The following GRIK1 variants were observed in gnomAD, a reference collection of about 807,000 sequenced individuals.
GRIK1 encodes glutamate ionotropic receptor kainate type subunit 1.
GRIK1 carries 69 observed loss-of-function variants against 105.7 expected under a neutral mutation model. The observed-to-expected ratio is 0.65, with a 90% CI of 0.54 to 0.80. The LOEUF (loss-of-function observed/expected upper bound fraction) is 0.80, where lower values mean the gene tolerates loss of function less well. GRIK1 is among the 30% of genes least tolerant of loss of function. The pLI, the probability that GRIK1 is intolerant of heterozygous loss-of-function variation, is 0.00. For synonymous variants in GRIK1, 438 were observed against 431.3 expected, an observed-to-expected ratio of 1.02 and a Z score of -0.19; for missense variants, 1,109 against 1,167.3, an observed-to-expected ratio of 0.95 and a Z score of 0.73.
chr21:29,905,270 T>G (rs995708757), intron 1 of GRIK1, among the ~76,000 whole-genome samples: 3 of 152,134 alleles, frequency 2.0e-5, no homozygotes, highest in African/African-American at 7.2e-5. Context: ...CACTCCCCTT[T>G]GTGTATTAAA....
intron 1 of GRIK1, among the ~76,000 whole-genome samples, chr21:29,787,408 C>T (rs1446522203): frequency 6.6e-6 from 1 of 152,158 alleles, no homozygotes; most frequent in Non-Finnish European, 1.5e-5. Flanking sequence ...AGGATCCAGG[C>T]ACCACCCAAA....
At chr21:29,926,864 TTTTA>T (rs1451036401) in intron 1 of GRIK1, among the ~76,000 whole-genome samples, 3 of 152,212 alleles carry the variant, frequency 2.0e-5, no homozygotes, top group Admixed American at 2.0e-4. Context: ...CCCTAAGGAA[TTTTA>T]TTTGTGATAT....
chr21:29,917,903 C>A (rs60698712), intron 1 of GRIK1, among the ~76,000 whole-genome samples: 1 of 151,964 alleles, frequency 6.6e-6, no homozygotes. Context: ...GACCTAATTT[C>A]TGTTAAAAAA....
At chr21:29,694,964 T>A (rs2063666389) in intron 1 of GRIK1, among the ~76,000 whole-genome samples, 1 of 152,168 alleles carries the variant, frequency 6.6e-6, no homozygotes, top group African/African-American at 2.4e-5. Context: ...TTTTTTTTCT[T>A]TCTTTTCTTT....
intron 1 of GRIK1, among the ~76,000 whole-genome samples, chr21:29,717,583 G>A (rs1000938716): frequency 6.6e-6 from 1 of 152,218 alleles, no homozygotes; most frequent in South Asian, 2.1e-4. Flanking sequence ...GGGGCCTGTG[G>A]CCCCTTTGTT....
At chr21:29,881,221 C>A (rs567567240) in intron 1 of GRIK1, among the ~76,000 whole-genome samples, 1 of 152,190 alleles carries the variant, frequency 6.6e-6, no homozygotes, top group African/African-American at 2.4e-5. Flanking sequence ...TGCCTTATTT[C>A]TCCTGTAATT....
chr21:29,887,064 T>A (rs2069657346), intron 1 of GRIK1, among the ~76,000 whole-genome samples: 1 of 152,168 alleles, frequency 6.6e-6, no homozygotes, highest in Admixed American at 6.5e-5. Context: ...TTATACTAAT[T>A]GTATGGTGGT....
chr21:29,873,927 C>A (rs186517577), intron 1 of GRIK1, among the ~76,000 whole-genome samples: 1 of 152,290 alleles, frequency 6.6e-6, no homozygotes, highest in African/African-American at 2.4e-5. Flanking sequence ...CTCAGACCAT[C>A]AGGCATTATT....
chr21:29,842,278 T>G (rs1341499865), intron 1 of GRIK1, among the ~76,000 whole-genome samples: 2 of 152,158 alleles, frequency 1.3e-5, no homozygotes, highest in African/African-American at 4.8e-5. Flanking sequence ...TCTCCCCGTT[T>G]CTGTTTATTT....
At chr21:29,594,821 G>T (rs574764844) in intron 9 of GRIK1, among the ~76,000 whole-genome samples, 1 of 152,082 alleles carries the variant, frequency 6.6e-6, no homozygotes, top group Non-Finnish European at 1.5e-5. Context: ...CCTGTATTAC[G>T]AACCTTATAT....
intron 1 of GRIK1, among the ~76,000 whole-genome samples, chr21:29,819,739 CTA>C (rs1052222425): frequency 2.6e-5 from 4 of 151,954 alleles, no homozygotes; most frequent in Non-Finnish European, 4.4e-5. Context: ...GCAGTCAAGA[CTA>C]TTTGAAATAA....
intron 1 of GRIK1, among the ~76,000 whole-genome samples, chr21:29,744,197 A>T (rs79732830): frequency 0.06 from 9,083 of 152,270 alleles, 316 homozygotes; most frequent in African/African-American, 0.069. Context: ...TGGTCCAGGG[A>T]CCTACTGGTT....
intron 1 of GRIK1, among the ~76,000 whole-genome samples, chr21:29,865,931 T>A (rs1234542519): frequency 6.6e-6 from 1 of 152,214 alleles, no homozygotes; most frequent in Non-Finnish European, 1.5e-5. Context: ...TTGGTAGGCT[T>A]GTTAGATAAA....
intron 1 of GRIK1, among the ~76,000 whole-genome samples, chr21:29,848,510 G>A (rs1008133684): frequency 6.6e-6 from 1 of 151,940 alleles, no homozygotes; most frequent in African/African-American, 2.4e-5. Context: ...GTCTAAGCTC[G>A]TAACATTGTT....
intron 7 of GRIK1, among the ~76,000 whole-genome samples, chr21:29,616,808 A>G (rs557991537): frequency 4.5e-4 from 68 of 152,390 alleles, no homozygotes; most frequent in African/African-American, 1.6e-3. Flanking sequence ...GCCATACTTC[A>G]AAGATGTCGC....
At chr21:29,844,735 G>A (rs954351350) in intron 1 of GRIK1, among the ~76,000 whole-genome samples, 10 of 152,042 alleles carry the variant, frequency 6.6e-5, no homozygotes, top group African/African-American at 2.2e-4. Context: ...CTGTTTTGGC[G>A]AGTTATAGTA....
intron 1 of GRIK1, among the ~76,000 whole-genome samples, chr21:29,772,946 A>C (rs1239072265): frequency 6.6e-6 from 1 of 152,154 alleles, no homozygotes; most frequent in Non-Finnish European, 1.5e-5. Flanking sequence ...TAATGATTGG[A>C]AAATTTTTTA....
At chr21:29,644,760 T>A (rs548371573) in intron 6 of GRIK1, among the ~76,000 whole-genome samples, 5 of 152,198 alleles carry the variant, frequency 3.3e-5, no homozygotes, top group African/African-American at 1.2e-4. Flanking sequence ...ACTAATTCTG[T>A]TTAATTGGAG....
At chr21:29,656,347 C>T (rs188585254) in intron 4 of GRIK1, among the ~76,000 whole-genome samples, 14 of 64,558 alleles carry the variant, frequency 2.2e-4, no homozygotes, top group East Asian at 6.3e-4. Flanking sequence ...GGGGCCAGAG[C>T]GAGACTCAAA....
Sources: allele counts gnomAD v4.1 joint callset (sites outside exome capture counted in the v4.1 genomes callset), GRCh38; gene constraint gnomAD v4.1.1; transcripts MANE v1.5; gene names NCBI Gene and HGNC (gene_info 2026-07-23, HGNC 2026-07-21).